Variants in FCF1 observed in about 807,000 individuals in gnomAD.
FCF1 encodes FCF1 rRNA-processing protein, also known as rRNA-processing protein FCF1 homolog.
In FCF1, 17 loss-of-function variants were observed where a neutral mutation model predicts 32.5. The ratio of observed to expected loss-of-function variants is 0.52; its 90% confidence interval spans 0.36 to 0.78. The LOEUF (loss-of-function observed/expected upper bound fraction) is 0.78. FCF1 is among the 30% of genes least tolerant of loss of function. The probability of loss-of-function intolerance (pLI) is 0.00; values close to 1 mark genes in which losing one functional copy is unlikely to be tolerated. For missense variants in FCF1, 201 were observed against 241.1 expected (o/e 0.83, Z 1.10); for synonymous variants, 84 against 78.4 (o/e 1.07, Z -0.38).
intron 5 of FCF1, among the ~76,000 whole-genome samples, chr14:74,725,807 C>T (rs573953175): frequency 1.3e-5 from 2 of 151,770 alleles, no homozygotes; most frequent in East Asian, 2.0e-4. Flanking sequence ...TGGTAGTGGG[C>T]GCCTGGTAGT....
chr14:74,714,698 T>C (rs756414440), intron 2 of FCF1, among the ~76,000 whole-genome samples, 174 bp from the exon 3 acceptor site: 3 of 152,158 alleles, frequency 2.0e-5, no homozygotes, highest in Non-Finnish European at 4.4e-5. Context: ...GTACTGTGCT[T>C]TGCACTAGAG....
chr14:74,717,233 G>A (rs1248864039), intron 4 of FCF1, among the ~76,000 whole-genome samples: 1 of 152,154 alleles, frequency 6.6e-6, no homozygotes, highest in Non-Finnish European at 1.5e-5. Flanking sequence ...GCACGTGACT[G>A]TAGTCCCAGC....
intron 6 of FCF1, 105 bp from the exon 7 acceptor site, chr14:74,733,971 T>C: frequency 1.4e-6 from 1 of 740,302 alleles, no homozygotes; most frequent in South Asian, 1.7e-5. Flanking sequence ...CTACTTACTG[T>C]GAAAATGAAC....
At position 74,720,972 on chromosome 14, in the gene FCF1, G is replaced by A. The variant is rs150357784; in HGVS notation, c.293-2300G>A. ...CAGCTCACTACAGCCTCTGCCTCCC[G>A]GGTTCAAGCAATTCTCATGCCTCAG... is the stretch of plus-strand genomic sequence containing the variant. On this transcript the variant is annotated intron_variant, in intron 4 of 7. Coordinates refer to ENST00000341162, the MANE Select transcript of FCF1 (RefSeq NM_015962.5). Among the ~76,000 whole-genome samples the A allele has an allele frequency of 6.7e-5, 10 of 150,282 alleles. No homozygotes were observed. In the East Asian group the frequency reaches 2.0e-3, roughly 30 times the overall value.
chr14:74,728,385 T>G (rs1218033105), intron 5 of FCF1, among the ~76,000 whole-genome samples: 1 of 152,166 alleles, frequency 6.6e-6, no homozygotes, highest in Non-Finnish European at 1.5e-5. Flanking sequence ...GGGAGTTCAC[T>G]CATGATTTGG....
chr14:74,720,115 A>G (rs113020168), intron 4 of FCF1, among the ~76,000 whole-genome samples: 21 of 152,330 alleles, frequency 1.4e-4, no homozygotes, highest in African/African-American at 3.4e-4. Flanking sequence ...GCAAGAGCGA[A>G]ACTCCGTCTC....
chr14:74,726,746 T>TC (rs1185488341), intron 5 of FCF1, among the ~76,000 whole-genome samples: 1 of 151,890 alleles, frequency 6.6e-6, no homozygotes, highest in Admixed American at 6.6e-5. Context: ...CGCAATGCTA[T>TC]CCCTCCCTCC....
intron 5 of FCF1, among the ~76,000 whole-genome samples, chr14:74,730,471 A>T (rs1031307853): frequency 2.6e-5 from 4 of 151,984 alleles, no homozygotes; most frequent in Admixed American, 2.6e-4. Context: ...CCTGGCACTT[A>T]GGAAGGCTGT....
At chr14:74,732,174 A>G (rs2090647241) in intron 5 of FCF1, among the ~76,000 whole-genome samples, 1 of 151,990 alleles carries the variant, frequency 6.6e-6, no homozygotes, top group Admixed American at 6.6e-5. Flanking sequence ...ATATATGCAT[A>G]TGCCCTGCTT....
intron 5 of FCF1, among the ~76,000 whole-genome samples, chr14:74,724,509 C>T (rs143547248): frequency 2.0e-4 from 30 of 152,344 alleles, no homozygotes; most frequent in African/African-American, 6.7e-4. Context: ...TAGTCTTGAA[C>T]TCCTGGGCTC....
At chr14:74,720,810 T>C (rs1342176199) in intron 4 of FCF1, among the ~76,000 whole-genome samples, 1 of 151,864 alleles carries the variant, frequency 6.6e-6, no homozygotes, top group Non-Finnish European at 1.5e-5. Flanking sequence ...CCACCATGCC[T>C]GGCTATTTTA....
At chr14:74,723,885 G>A (rs1307486812) in intron 5 of FCF1, among the ~76,000 whole-genome samples, 11 of 151,294 alleles carry the variant, frequency 7.3e-5, no homozygotes, top group African/African-American at 2.7e-4. Context: ...GAATATTTGT[G>A]TATAGCAAAA....
At chr14:74,722,283 G>C (rs1299145313) in intron 4 of FCF1, among the ~76,000 whole-genome samples, 1 of 151,906 alleles carries the variant, frequency 6.6e-6, no homozygotes, top group South Asian at 2.1e-4. Context: ...CCTGACCTCA[G>C]GTGATCCGCC....
At chr14:74,721,679 CA>C (rs1205182954) in intron 4 of FCF1, among the ~76,000 whole-genome samples, 2 of 149,782 alleles carry the variant, frequency 1.3e-5, no homozygotes, top group East Asian at 3.9e-4. Flanking sequence ...AGTGAGACTT[CA>C]AAAAAAAATA....
chr14:74,726,495 G>A (rs1252325677), intron 5 of FCF1, among the ~76,000 whole-genome samples: 1 of 151,670 alleles, frequency 6.6e-6, no homozygotes, highest in Non-Finnish European at 1.5e-5. Context: ...GAACAATGCT[G>A]AGCACTGTTA....
intron 5 of FCF1, among the ~76,000 whole-genome samples, chr14:74,726,594 C>T (rs1465446952): frequency 3.4e-5 from 5 of 148,290 alleles, no homozygotes; most frequent in Admixed American, 6.7e-5. Context: ...GACAACAAGA[C>T]CCCCATCTCT....
In FCF1 at chr14:74,728,732, A is replaced by G. The variant is rs376630841; in HGVS notation, c.366-3999A>G. 6.4e-3 allele frequency among the ~76,000 whole-genome samples: 971 copies of G among 152,160 alleles called. 9 individuals are homozygous for G. The highest frequency in any genetic ancestry group is 0.029 in the South Asian group (142 of 4,818). On this transcript the variant is annotated intron_variant, in intron 5 of 7. Coordinates refer to ENST00000341162, the MANE Select transcript of FCF1 (RefSeq NM_015962.5). ...TTGCCCATTCAGTATGATATTGGCT[A>G]TGGGTTTGTCATAGATAGCTCTTAT...
chr14:74,717,345 C>A (rs1411322592), intron 4 of FCF1, among the ~76,000 whole-genome samples: 2 of 150,182 alleles, frequency 1.3e-5, no homozygotes, highest in Non-Finnish European at 3.0e-5. Flanking sequence ...AGAGAAACTC[C>A]ATCTAAAAAA....
chr14:74,714,910 A>C lies in FCF1; in HGVS notation c.110A>C (p.Lys37Thr). 1 of 1,597,208 alleles carries C rather than the reference A, an allele frequency of 6.3e-7. No homozygotes were observed. The highest frequency in any genetic ancestry group is 8.5e-7 in the Non-Finnish European group (1 of 1,174,400). ...KDRLKPKKKE[K>T]KDPSALKERE... Reference sequence around the variant, plus strand: ...AGATTAAAACCTAAAAAGAAAGAAAAGAAGGATCCCAGCGCATTAAAGGAA... The same window carrying C: ...AGATTAAAACCTAAAAAGAAAGAAACGAAGGATCCCAGCGCATTAAAGGAA... The change falls in exon 3 of 8, where the codon AAG becomes ACG. Residue 37 changes from lysine (K) to threonine (T), a missense_variant. This residue lies in a region of FCF1 where 76 missense variants were observed against 75.0 expected (regional missense o/e 1.01). Transcript: ENST00000341162.
Sources: allele counts gnomAD v4.1 joint callset (sites outside exome capture counted in the v4.1 genomes callset), GRCh38; gene constraint gnomAD v4.1.1; regional missense constraint gnomAD v4.1.1; transcripts MANE v1.5; gene names NCBI Gene and HGNC (gene_info 2026-07-23, HGNC 2026-07-21).